Variants in ADGRB3 observed in about 807,000 individuals in gnomAD.
ADGRB3 encodes brain-specific angiogenesis inhibitor 3.
ADGRB3 carries 37 observed loss-of-function variants against 193.4 expected under a neutral mutation model. The observed-to-expected ratio is 0.19, with a 90% confidence interval of 0.15 to 0.25. The LOEUF is 0.25. Among genes scored for constraint, ADGRB3 ranks in the 10% least tolerant of loss-of-function variants. The pLI, the probability that ADGRB3 is intolerant of heterozygous loss-of-function variation, is 1.00. For missense variants in ADGRB3, 1,637 were observed against 1,852.9 expected (o/e 0.88, Z 2.14); for synonymous variants, 690 against 644.2 (o/e 1.07, Z -1.08).
chr6:68,766,512 T>A (rs1035743073), intron 3 of ADGRB3, among the ~76,000 whole-genome samples: 1 of 151,994 alleles, frequency 6.6e-6, no homozygotes, highest in African/African-American at 2.4e-5. Flanking sequence ...CAATTTTAAT[T>A]TAGTGGATAA....
intron 17 of ADGRB3, among the ~76,000 whole-genome samples, chr6:69,160,434 C>A (rs986389569): frequency 6.6e-6 from 1 of 152,104 alleles, no homozygotes; most frequent in Middle Eastern, 3.2e-3. Flanking sequence ...TTGCTCATAT[C>A]TAATCATGAC....
At chr6:69,124,102 T>G (rs1029468096) in intron 17 of ADGRB3, among the ~76,000 whole-genome samples, 2 of 151,884 alleles carry the variant, frequency 1.3e-5, no homozygotes, top group African/African-American at 2.4e-5. Context: ...ATTTTTTTTT[T>G]GTAGGTGACA....
chr6:68,866,350 A>T (rs1765298136), intron 3 of ADGRB3, among the ~76,000 whole-genome samples: 2 of 152,130 alleles, frequency 1.3e-5, no homozygotes, highest in Non-Finnish European at 2.9e-5. Context: ...CTGCCATGTA[A>T]GACATGCCTT....
chr6:69,209,256 C>T (rs1301322227), intron 17 of ADGRB3, among the ~76,000 whole-genome samples: 2 of 152,156 alleles, frequency 1.3e-5, no homozygotes, highest in Non-Finnish European at 2.9e-5. Context: ...AGTAACACAC[C>T]CAAACGAGGA....
chr6:69,313,102 C>T (rs1768233095), intron 20 of ADGRB3, among the ~76,000 whole-genome samples: 1 of 151,858 alleles, frequency 6.6e-6, no homozygotes, highest in South Asian at 2.1e-4. Context: ...TACCAGCAGT[C>T]AGTCCATGAC....
Position 68,673,388 on chromosome 6 carries a change from A to G in ADGRB3, c.757+33956A>G, listed in dbSNP as rs1229856618. On this transcript the variant is annotated intron_variant, in intron 3 of 31. Coordinates refer to ENST00000370598, the MANE Select transcript of ADGRB3 (RefSeq NM_001704.3). ...ACAGGAGAAAAACTCACTCCCAGAAAAGATAATATGTACAGCAGTGTGTGG... is the reference window on the plus strand; with the variant it reads ...ACAGGAGAAAAACTCACTCCCAGAAGAGATAATATGTACAGCAGTGTGTGG... Among the ~76,000 whole-genome samples, 5 of 152,256 alleles carry G rather than the reference A, an allele frequency of 3.3e-5. No homozygotes were observed. The East Asian group carries it at 7.7e-4, about 24-fold the overall frequency.
intron 17 of ADGRB3, among the ~76,000 whole-genome samples, chr6:69,130,012 G>T (rs1486765232): frequency 6.6e-6 from 1 of 152,002 alleles, no homozygotes; most frequent in Admixed American, 6.6e-5. Flanking sequence ...CATTCAGGTT[G>T]CTATAACAAA....
At chr6:68,678,759 C>T (rs1204347600) in intron 3 of ADGRB3, among the ~76,000 whole-genome samples, 2 of 151,680 alleles carry the variant, frequency 1.3e-5, no homozygotes, top group African/African-American at 2.4e-5. Context: ...ATTTTTGTTA[C>T]GTAAGATTGA....
At chr6:68,882,640 C>T (rs752382253) in intron 3 of ADGRB3, among the ~76,000 whole-genome samples, 16 of 152,060 alleles carry the variant, frequency 1.1e-4, no homozygotes, top group Non-Finnish European at 1.8e-4. Context: ...TGTAGTGGCT[C>T]CTAGACTCCT....
chr6:69,033,445 AT>A (rs1770771090), intron 13 of ADGRB3, among the ~76,000 whole-genome samples: 6 of 152,198 alleles, frequency 3.9e-5, no homozygotes, highest in Non-Finnish European at 7.4e-5. Flanking sequence ...GTATTGCTAC[AT>A]TCTCTGAAAT....
At chr6:68,926,170 A>G (rs535089927) in intron 3 of ADGRB3, among the ~76,000 whole-genome samples, 6 of 152,280 alleles carry the variant, frequency 3.9e-5, no homozygotes, top group African/African-American at 1.4e-4. Context: ...TGTTTGATAA[A>G]TAAATATTGA....
At chr6:68,942,757 C>T (rs1400045593) in intron 5 of ADGRB3, among the ~76,000 whole-genome samples, 1 of 152,090 alleles carries the variant, frequency 6.6e-6, no homozygotes, top group East Asian at 1.9e-4. Context: ...ACTACAGGCA[C>T]ACAACACCAT....
At chr6:69,012,126 G>T (rs1769956471) in intron 11 of ADGRB3, among the ~76,000 whole-genome samples, 2 of 152,054 alleles carry the variant, frequency 1.3e-5, no homozygotes, top group South Asian at 4.1e-4. Context: ...AAGGAATTTT[G>T]TGTATGCAGT....
At chr6:69,066,994 T>A (rs1487432109) in intron 16 of ADGRB3, among the ~76,000 whole-genome samples, 1 of 152,096 alleles carries the variant, frequency 6.6e-6, no homozygotes, top group Non-Finnish European at 1.5e-5. Flanking sequence ...TCTTTAAAGA[T>A]GAGTCAGAAG....
At chr6:68,706,826 T>G (rs958704667) in intron 3 of ADGRB3, among the ~76,000 whole-genome samples, 1 of 152,136 alleles carries the variant, frequency 6.6e-6, no homozygotes, top group Non-Finnish European at 1.5e-5. Context: ...ATTGTTTTGA[T>G]GGAGGCTGGG....
At chr6:69,388,272 A>C (rs1770116478) in intron 31 of ADGRB3, among the ~76,000 whole-genome samples, 1 of 152,146 alleles carries the variant, frequency 6.6e-6, no homozygotes. Context: ...GTAACTTTTT[A>C]TTATCAAATA....
chr6:69,143,831 A>T (rs988130538), intron 17 of ADGRB3, among the ~76,000 whole-genome samples: 3 of 151,976 alleles, frequency 2.0e-5, no homozygotes, highest in African/African-American at 4.8e-5. Context: ...CTCCAGTTTT[A>T]TTCTTTCTGC....
intron 11 of ADGRB3, among the ~76,000 whole-genome samples, chr6:69,010,733 A>G (rs754357772): frequency 6.6e-6 from 1 of 151,002 alleles, no homozygotes; most frequent in Non-Finnish European, 1.5e-5. Flanking sequence ...AGGACACTCA[A>G]TTTTTCAAAT....
chr6:68,906,687 T>C (rs1766557897), intron 3 of ADGRB3, among the ~76,000 whole-genome samples: 1 of 152,044 alleles, frequency 6.6e-6, no homozygotes, highest in Non-Finnish European at 1.5e-5. Context: ...AAAATAATTA[T>C]TGCTATTGCA....
Sources: gnomAD v4.1 joint callset for allele counts (sites outside exome capture counted in the v4.1 genomes callset) on GRCh38, gnomAD v4.1.1 for gene constraint, MANE v1.5 for transcripts, NCBI Gene and HGNC (gene_info 2026-07-23, HGNC 2026-07-21) for gene names.